Variants in ACAA2 observed in about 807,000 individuals in gnomAD.
The protein encoded by ACAA2 is acetyl-CoA acyltransferase 2.
Under a neutral mutation model 44.8 loss-of-function variants are expected in ACAA2, and 35 were observed. The observed-to-expected ratio is 0.78, with a 90% CI of 0.60 to 1.04. The LOEUF is 1.04. Among genes scored for constraint, ACAA2 ranks in the 50% least tolerant of loss-of-function variants. The pLI is 0.00. For synonymous variants in ACAA2, 142 were observed against 166.5 expected, an observed-to-expected ratio of 0.85 and a Z score of 1.13; for missense variants, 468 against 482.6, an observed-to-expected ratio of 0.97 and a Z score of 0.28.
intron 7 of ACAA2, among the ~76,000 whole-genome samples, chr18:49,789,587 T>TTAAA (rs1211943723): frequency 2.0e-5 from 3 of 152,182 alleles, no homozygotes; most frequent in Non-Finnish European, 4.4e-5. Flanking sequence ...CCAGAACCTA[T>TTAAA]TAAATAAAGT....
At chr18:49,796,479 T>G (rs1395406970) in intron 3 of ACAA2, among the ~76,000 whole-genome samples, 2 of 152,176 alleles carry the variant, frequency 1.3e-5, no homozygotes, top group Non-Finnish European at 2.9e-5. Context: ...CAAATTAATG[T>G]GAAAATTGTT....
At chr18:49,802,330 G>A (rs762151077) in intron 2 of ACAA2, among the ~76,000 whole-genome samples, 1 of 152,126 alleles carries the variant, frequency 6.6e-6, no homozygotes, top group Non-Finnish European at 1.5e-5. Flanking sequence ...TTGGGGGGCC[G>A]AGACAGGAGA....
rs1294083716 is a variant in ACAA2, at chr18:49,792,394, T to C, written c.578-67A>G. ...AAACATGAAAATAAATCAAACATAT[T>C]ATTCAATTTAATTTCTGATCTACCT... On this transcript the variant is annotated intron_variant, in intron 5 of 9. Transcript: ENST00000285093. 15 of 1,343,054 alleles carry C rather than the reference T, an allele frequency of 1.1e-5. No individual in the cohort carries two copies. The East Asian group carries it at 3.3e-4, about 30-fold the overall frequency. 83.2% of individuals were successfully genotyped at this position (1,343,054 alleles called of 1,614,324 possible). A position where few individuals can be genotyped will look rare whatever the true frequency, so the allele number is the denominator to read the frequency against.
In ACAA2 at chr18:49,791,462, A is replaced by G. The variant is rs372382497; in HGVS notation, c.883+8T>C. The G allele has an allele frequency of 6.2e-7, 1 of 1,609,460 alleles. No individual in the cohort carries two copies. Among genetic ancestry groups the G allele is most frequent in the South Asian group, 1.1e-5 (1 of 90,626 alleles). On this transcript the variant is annotated splice_region_variant and intron_variant, in intron 7 of 9. Coordinates refer to ENST00000285093, the MANE Select transcript of ACAA2 (RefSeq NM_006111.3). ...TTATAGAACCAGTTTGTTTTACTAT[A>G]AACTTACCAATACCCATGATAGAGG...
intron 2 of ACAA2, among the ~76,000 whole-genome samples, chr18:49,800,219 T>TG (rs1334166236): frequency 1.7e-4 from 19 of 115,016 alleles, no homozygotes; most frequent in South Asian, 5.9e-4. Context: ...GTCCGGGAGG[T>TG]GGGGGGGTCA....
chr18:49,799,773 C>T (rs377022111), intron 2 of ACAA2, among the ~76,000 whole-genome samples: 2 of 150,310 alleles, frequency 1.3e-5, no homozygotes, highest in Admixed American at 6.6e-5. Flanking sequence ...AAGTGAGGGG[C>T]GCCTCTTCCC....
intron 1 of ACAA2, among the ~76,000 whole-genome samples, chr18:49,806,878 T>C (rs1048151694): frequency 1.3e-4 from 19 of 147,038 alleles, no homozygotes; most frequent in Admixed American, 2.7e-4. Context: ...AAAATAGAAA[T>C]GAAAGGAGAA....
Position 49,783,532 on chromosome 18 carries a change from C to G in ACAA2, c.*315G>C, listed in dbSNP as rs144726736. On this transcript the variant is annotated 3_prime_UTR_variant, in exon 10 of 10. Transcript: ENST00000285093. ...AGTTAAGGCAACATTTATTTGATTT[C>G]CTTATAATCATATTATCTAAGGCAG... 2.7e-4 allele frequency: 58 copies of G among 214,078 alleles called. No individual in the cohort carries two copies. The East Asian group carries it at 5.5e-3, about 20-fold the overall frequency. The allele number at this position is 214,078 out of a possible 1,614,324, so 13.3% of individuals were successfully genotyped here.
chr18:49,803,123 C>G (rs1270955678), intron 1 of ACAA2, among the ~76,000 whole-genome samples: 4 of 151,910 alleles, frequency 2.6e-5, no homozygotes, highest in African/African-American at 4.8e-5. Flanking sequence ...GCGCACCCCG[C>G]CCCCCTTGCC....
intron 5 of ACAA2, among the ~76,000 whole-genome samples, chr18:49,792,681 C>G (rs1455529947): frequency 2.6e-5 from 4 of 152,072 alleles, no homozygotes; most frequent in African/African-American, 9.7e-5. Context: ...CTCACCACCT[C>G]GTGATCCACC....
At chr18:49,786,453 T>C (rs1298162532) in intron 8 of ACAA2, 1 of 152,200 alleles carries the variant, frequency 6.6e-6, no homozygotes, top group African/African-American at 2.4e-5. Context: ...AACAGCCTCT[T>C]TGAGGCTCTG....
rs1555789756 is a variant in ACAA2 at position 49,787,271 on chromosome 18, A to AC, written c.954+19_954+20insG. 2.8e-4 allele frequency: 376 copies of AC among 1,332,360 alleles called. No homozygotes were observed. The highest frequency in any genetic ancestry group is 5.9e-4 in the Admixed American group (17 of 28,982). 82.5% of individuals were successfully genotyped at this position (1,332,360 alleles called of 1,614,324 possible). On this transcript the variant is annotated intron_variant, in intron 8 of 9. Coordinates refer to ENST00000285093, the MANE Select transcript of ACAA2 (RefSeq NM_006111.3). The stretch of plus-strand genomic sequence containing the variant: ...TTTATTCATGTTGTTAAAAAAAAAA[A>AC]AAAAAAAAAAAACACTTACCTCTAC...
At chr18:49,807,563 G>A (rs1352218467) in intron 1 of ACAA2, among the ~76,000 whole-genome samples, 1 of 152,178 alleles carries the variant, frequency 6.6e-6, no homozygotes, top group African/African-American at 2.4e-5. Flanking sequence ...TGTGTGCAGT[G>A]GCTCATGCCT....
chr18:49,791,130 A>G (rs2023393407), intron 7 of ACAA2, among the ~76,000 whole-genome samples: 1 of 152,100 alleles, frequency 6.6e-6, no homozygotes. Flanking sequence ...CCCATCTCAT[A>G]ATTTCTTTTA....
chr18:49,801,139 A>G (rs1298472007), intron 2 of ACAA2, among the ~76,000 whole-genome samples: 1 of 152,208 alleles, frequency 6.6e-6, no homozygotes, highest in Non-Finnish European at 1.5e-5. Context: ...ATAAAACTCA[A>G]TTAGAAAAGC....
At chr18:49,808,984 G>T (rs776472493) in intron 1 of ACAA2, among the ~76,000 whole-genome samples, 1 of 152,006 alleles carries the variant, frequency 6.6e-6, no homozygotes, top group South Asian at 2.1e-4. Flanking sequence ...TATCTCAACC[G>T]CATAAGACAG....
At chr18:49,797,981 A>G (rs1191070077) in intron 2 of ACAA2, among the ~76,000 whole-genome samples, 1 of 152,234 alleles carries the variant, frequency 6.6e-6, no homozygotes, top group African/African-American at 2.4e-5. Context: ...CCTTAATATA[A>G]GACAGAAATT....
intron 2 of ACAA2, among the ~76,000 whole-genome samples, chr18:49,799,584 G>A (rs1292407613): frequency 1.3e-5 from 2 of 152,110 alleles, no homozygotes; most frequent in Admixed American, 6.5e-5. Context: ...CCTCCCAGCC[G>A]CCTGCCTTGG....
intron 1 of ACAA2, among the ~76,000 whole-genome samples, chr18:49,808,123 A>C (rs1237300288): frequency 2.0e-5 from 3 of 152,234 alleles, no homozygotes; most frequent in African/African-American, 7.2e-5. Context: ...GGGAATTGCA[A>C]ATTAAAACAA....
Sources: allele counts gnomAD v4.1 joint callset (sites outside exome capture counted in the v4.1 genomes callset), GRCh38; gene constraint gnomAD v4.1.1; transcripts MANE v1.5; gene names NCBI Gene and HGNC (gene_info 2026-07-23, HGNC 2026-07-21).